ANAPC1: variants seen among roughly 807,000 people sequenced by gnomAD.
ANAPC1 encodes anaphase-promoting complex subunit 1.
ANAPC1 carries 36 observed loss-of-function variants against 208.0 expected under a neutral mutation model. The ratio of observed to expected loss-of-function variants is 0.17; its 90% CI spans 0.13 to 0.23. The LOEUF (loss-of-function observed/expected upper bound fraction) is 0.23. Ranked by LOEUF, ANAPC1 falls within the 10% of genes least tolerant of loss-of-function variation. The pLI is 1.00. For missense variants in ANAPC1, 942 were observed against 2,011.6 expected (o/e 0.47, Z 10.17); for synonymous variants, 378 against 695.2 (o/e 0.54, Z 7.18).
chr2:111,778,993 G>A (rs1322288376), intron 44 of ANAPC1: 1 of 173,226 alleles, frequency 5.8e-6, no homozygotes, highest in Non-Finnish European at 1.2e-5. Flanking sequence ...TGCTACAGAA[G>A]AGAGGAATGG....
At chr2:111,841,797 T>C (rs1018505376) in intron 17 of ANAPC1, among the ~76,000 whole-genome samples, 3 of 152,072 alleles carry the variant, frequency 2.0e-5, no homozygotes, top group Non-Finnish European at 4.4e-5. Flanking sequence ...ACAAAGGACA[T>C]GAAATACGAA....
At chr2:111,843,321 G>C (rs1006021314) in intron 17 of ANAPC1, 91 bp downstream of exon 17, 2 of 1,209,732 alleles carry the variant, frequency 1.7e-6, no homozygotes, top group African/African-American at 3.0e-5. Context: ...AATATGGTAC[G>C]CCTATTATGT....
At chr2:111,780,235 G>GACC in intron 44 of ANAPC1, 64 bp downstream of exon 44, 1 of 279,614 alleles carries the variant, frequency 3.6e-6, no homozygotes. Context: ...TGTTTTGGGT[G>GACC]ACCCATGCAT....
rs191264827 is a variant in ANAPC1, at chr2:111,841,872, A to G, written c.2040+1540T>C. 3.8e-3 allele frequency among the ~76,000 whole-genome samples: 579 copies of G among 152,360 alleles called. 1 individual carries two copies. Among genetic ancestry groups the G allele is most frequent in the Middle Eastern group, 6.8e-3 (2 of 294 alleles). On this transcript the variant is annotated intron_variant, in intron 17 of 47. Transcript: ENST00000341068. Reference sequence around the variant, plus strand: ...AAAAAACATTCCCATTTACTTATAGAGAAATAAGATAAAATTTCTCAGGAA... The same window carrying G: ...AAAAAACATTCCCATTTACTTATAGGGAAATAAGATAAAATTTCTCAGGAA...
intron 2 of ANAPC1, 86 bp downstream of exon 2, chr2:111,880,527 C>T: frequency 1.3e-6 from 2 of 1,484,576 alleles, no homozygotes; most frequent in African/African-American, 1.4e-5. Context: ...TCACACCGAT[C>T]TCTCAGTTGC....
At chr2:111,845,656 G>T (rs115706586) in intron 16 of ANAPC1, among the ~76,000 whole-genome samples, 2,066 of 152,032 alleles carry the variant, frequency 0.014, 36 homozygotes, top group East Asian at 0.057. Flanking sequence ...ATAATAGTTC[G>T]AGGTACCTGG....
rs1573340790 is a variant in ANAPC1 at position 111,794,741 on chromosome 2, T to C, written c.4373+77A>G. 2.8e-6 allele frequency: 3 copies of C among 1,070,540 alleles called. No individual in the cohort carries two copies. The East Asian group carries it at 7.5e-5, about 27-fold the overall frequency. 66.3% of individuals were successfully genotyped at this position (1,070,540 alleles called of 1,614,324 possible). ...ATAATTACTTAAATCAAGGACAATA[T>C]TACTCCCACATGGTATATTTCAATT... On this transcript the variant is annotated intron_variant, in intron 35 of 47. Coordinates refer to ENST00000341068, the MANE Select transcript of ANAPC1 (RefSeq NM_022662.4).
At chr2:111,796,128 G>C (rs1678152511) in intron 34 of ANAPC1, among the ~76,000 whole-genome samples, 1 of 151,774 alleles carries the variant, frequency 6.6e-6, no homozygotes, top group Non-Finnish European at 1.5e-5. Flanking sequence ...AGGAGGCTGA[G>C]GCACGAGAAT....
intron 10 of ANAPC1, among the ~76,000 whole-genome samples, chr2:111,859,046 T>C (rs1363110969): frequency 2.0e-5 from 3 of 152,218 alleles, no homozygotes; most frequent in Non-Finnish European, 4.4e-5. Context: ...AAGTAATGCA[T>C]GCAAACTTGA....
At chr2:111,841,481 G>T (rs1364492066) in intron 17 of ANAPC1, among the ~76,000 whole-genome samples, 2 of 145,316 alleles carry the variant, frequency 1.4e-5, no homozygotes, top group South Asian at 4.7e-4. Flanking sequence ...ACGTCTTGTC[G>T]GAGGGAAAGC....
intron 6 of ANAPC1, among the ~76,000 whole-genome samples, chr2:111,870,188 G>A (rs1019851554): frequency 1.3e-5 from 2 of 152,196 alleles, no homozygotes; most frequent in Non-Finnish European, 2.9e-5. Flanking sequence ...ACATGTGCAT[G>A]TATCTTTTTC....
At chr2:111,791,148 A>C (rs1677853637) in intron 38 of ANAPC1, among the ~76,000 whole-genome samples, 1 of 152,044 alleles carries the variant, frequency 6.6e-6, no homozygotes, top group Admixed American at 6.6e-5. Flanking sequence ...GAGGTTTTGC[A>C]GTTGGCTATT....
chr2:111,842,777 G>C (rs1230713346), intron 17 of ANAPC1, among the ~76,000 whole-genome samples: 6 of 151,986 alleles, frequency 3.9e-5, no homozygotes, highest in African/African-American at 1.5e-4. Context: ...AAGTTGTCCT[G>C]GGAGTGATCT....
chr2:111,778,998 G>A, intron 44 of ANAPC1: 1 of 175,208 alleles, frequency 5.7e-6, no homozygotes, highest in Admixed American at 6.2e-5. Flanking sequence ...CAGAAGAGAG[G>A]AATGGACCAA....
chr2:111,843,378 A>G (rs1391875284), intron 17 of ANAPC1, 34 bp downstream of exon 17: 3 of 1,608,348 alleles, frequency 1.9e-6, no homozygotes, highest in Admixed American at 1.7e-5. Flanking sequence ...CATTAACAGA[A>G]TAACTCATAA....
chr2:111,839,907 G>A (rs1400129493), intron 17 of ANAPC1, among the ~76,000 whole-genome samples: 1 of 152,042 alleles, frequency 6.6e-6, no homozygotes, highest in East Asian at 1.9e-4. Flanking sequence ...TCTCAGGTTA[G>A]CCAACCCTGT....
At chr2:111,867,704 AC>A (rs1194684039) in intron 7 of ANAPC1, among the ~76,000 whole-genome samples, 21 of 128,238 alleles carry the variant, frequency 1.6e-4, no homozygotes, top group African/African-American at 5.3e-4. Context: ...AAAAAAAAAA[AC>A]CCAAAACAAC....
At chr2:111,874,608 CT>C (rs1361638039) in intron 3 of ANAPC1, among the ~76,000 whole-genome samples, 2 of 152,052 alleles carry the variant, frequency 1.3e-5, no homozygotes, top group African/African-American at 4.8e-5. Flanking sequence ...AATTTTATCC[CT>C]TTTTAAAGCT....
At chr2:111,824,693 C>G (rs1679733159) in intron 24 of ANAPC1, among the ~76,000 whole-genome samples, 1 of 152,200 alleles carries the variant, frequency 6.6e-6, no homozygotes, top group African/African-American at 2.4e-5. Context: ...TCTCCATTCT[C>G]AGAGACCAGC....
Sources: gnomAD v4.1 joint callset for allele counts (sites outside exome capture counted in the v4.1 genomes callset) on GRCh38, gnomAD v4.1.1 for gene constraint, MANE v1.5 for transcripts, NCBI Gene and HGNC (gene_info 2026-07-23, HGNC 2026-07-21) for gene names.